Variants in TRMT2A observed in about 807,000 individuals in gnomAD.
The protein encoded by TRMT2A is tRNA (uracil-5-)-methyltransferase homolog A.
Under a neutral mutation model 59.3 loss-of-function variants are expected in TRMT2A, and 60 were observed. The observed-to-expected ratio is 1.01, with a 90% CI of 0.82 to 1.26. The LOEUF (loss-of-function observed/expected upper bound fraction) is 1.26, where lower values mean the gene tolerates loss of function less well. Ranked by LOEUF, TRMT2A falls within the 50% of genes most tolerant of loss-of-function variation. The pLI, the probability that TRMT2A is intolerant of heterozygous loss-of-function variation, is 0.00. For synonymous variants in TRMT2A, 403 were observed against 353.7 expected, an observed-to-expected ratio of 1.14 and a Z score of -1.56; for missense variants, 863 against 845.2, an observed-to-expected ratio of 1.02 and a Z score of -0.26.
chr22:20,113,745 C>T lies in TRMT2A; in HGVS notation c.1297G>A (p.Gly433Arg). ...VIQDWAQLDAGSMVLDVCCGT... is the reference protein window; with the variant it reads ...VIQDWAQLDARSMVLDVCCGT... ...CAGCACACGTCCAGCACCATGCTCC[C>T]CGCATCCAATTGGGCCCAGTCCTGG... is the stretch of plus-strand genomic sequence containing the variant. The change falls in exon 8 of 12, where the codon GGG becomes AGG. Residue 433 changes from glycine to arginine, a missense_variant. Coordinates refer to ENST00000252136, the MANE Select transcript of TRMT2A (RefSeq NM_022727.6). 6.2e-7 allele frequency: 1 copy of T among 1,608,880 alleles called. No individual in the cohort carries two copies. The highest frequency in any genetic ancestry group is 1.1e-5 in the South Asian group (1 of 90,456).
Position 20,115,025 on chromosome 22 carries a change from C to T in TRMT2A, c.945G>A (p.Gln315=). 3 of 1,600,374 alleles carry T rather than the reference C, an allele frequency of 1.9e-6. No homozygotes were observed. The highest frequency in any genetic ancestry group is 1.1e-5 in the South Asian group (1 of 88,734). The change falls in exon 5 of 12, where the codon CAG becomes CAA. Residue 315 remains glutamine (Q), a synonymous_variant. Coordinates refer to ENST00000252136, the MANE Select transcript of TRMT2A (RefSeq NM_022727.6). The stretch of plus-strand genomic sequence containing the variant: ...GGCGGCGGCTGGTGCGCACAGTCAG[C>T]TGCTTCCAGTGGCCTGTGTACGTCT... The part of the protein sequence containing the change: ...DPETYTGHWK[Q]LTVRTSRRHQ...
At chr22:20,115,834 C>T (rs1297146396) in intron 2 of TRMT2A, 54 bp from the exon 3 acceptor site, 28 of 1,526,996 alleles carry the variant, frequency 1.8e-5, no homozygotes, top group Non-Finnish European at 2.5e-5. Flanking sequence ...CCGACCCATG[C>T]CAGGCCACTC....
rs2049888697 is a variant in TRMT2A at position 20,112,898 on chromosome 22, T to A, written c.1646+13A>T. ...CAGGCCTAGCCCCCACCCAGGCCCC[T>A]GCAGACACTCACTCCACAAAGTTGC... On this transcript the variant is annotated intron_variant, in intron 11 of 11. Coordinates refer to ENST00000252136, the MANE Select transcript of TRMT2A (RefSeq NM_022727.6). The A allele has an allele frequency of 9.3e-6, 15 of 1,613,422 alleles. No individual in the cohort carries two copies. The highest frequency in any genetic ancestry group is 1.3e-5 in the Non-Finnish European group (15 of 1,179,908).
At chr22:20,113,404 C>CCCCCCCCCCCCCCCCCTG in intron 9 of TRMT2A, 28 bp downstream of exon 9, 13 of 1,511,228 alleles carry the variant, frequency 8.6e-6, no homozygotes, top group Non-Finnish European at 1.1e-5. Context: ...CCCCCATCCC[C>CCCCCCCCCCCCCCCCCTG]ACCCCCACCC....
At chr22:20,115,500 G>A (rs1602518643) in intron 3 of TRMT2A, 53 bp from the exon 4 acceptor site, 1 of 1,582,250 alleles carries the variant, frequency 6.3e-7, no homozygotes, top group Non-Finnish European at 8.6e-7. Flanking sequence ...CTTGGGCCTG[G>A]AAACCCTGAT....
chr22:20,113,401 C>CCCCCCCCCCCCCCCCCG, intron 9 of TRMT2A, 31 bp downstream of exon 9: 1 of 893,470 alleles, frequency 1.1e-6, no homozygotes, highest in Non-Finnish European at 1.8e-6. Flanking sequence ...CTGCCCCCAT[C>CCCCCCCCCCCCCCCCCG]CCCACCCCCA....
rs761271034 is a variant in TRMT2A at position 20,112,924 on chromosome 22, C to T, written c.1633G>A (p.Gly545Ser). Residue 545 changes from glycine (G) to serine (S), a missense_variant, in exon 11 of 12, where the codon GGC (glycine) becomes AGC (serine). Gly to Ser is a moderately conservative substitution (Grantham distance 56, BLOSUM62 0). Transcript: ENST00000252136. ...YVSCNPRAAM[G>S]NFVDLCRAPS... ...GCAGACACTCACTCCACAAAGTTGC[C>T]CATGGCTGCCCGGGGGTTGCATGAG... 6.8e-6 allele frequency: 11 copies of T among 1,613,810 alleles called. No individual in the cohort carries two copies. Among genetic ancestry groups the T allele is most frequent in the Non-Finnish European group, 9.3e-6 (11 of 1,180,016 alleles).
Position 20,116,343 on chromosome 22 carries a change from C to A in TRMT2A, c.294G>T (p.Leu98=), listed in dbSNP as rs1461381562. 1 of 1,612,944 alleles carries A rather than the reference C, an allele frequency of 6.2e-7. No individual in the cohort carries two copies. The highest frequency in any genetic ancestry group is 8.5e-7 in the Non-Finnish European group (1 of 1,179,998). The change falls in exon 2 of 12, where the codon CTG becomes CTT. Residue 98 remains leucine, a synonymous_variant. Transcript: ENST00000252136. ...DVRRFLGRFG[L]QPHKTKLFGQ... ...CAAAGAGTTTGGTTTTGTGGGGCTG[C>A]AGACCAAAGCGGCCCAGGAAGCGCC...
At position 20,116,609 on chromosome 22, in the gene TRMT2A, G is replaced by A. The variant is rs776508419; in HGVS notation, c.28C>T (p.Pro10Ser). ...TGGCCACAGCTCTCCATGGGCTTCGGGCCCTGTGTGGGGACAGATGGGGTG... is the reference window on the plus strand; with the variant it reads ...TGGCCACAGCTCTCCATGGGCTTCGAGCCCTGTGTGGGGACAGATGGGGTG... Reference protein sequence around the residue: MSENLDNEGPKPMESCGQES... With the variant: MSENLDNEGSKPMESCGQES... Residue 10 changes from proline to serine, a missense_variant, in exon 2 of 12, where the codon CCG (proline) becomes TCG (serine). Physicochemically the swap from Pro to Ser is moderately conservative, Grantham distance 74 (BLOSUM62 -1). Coordinates refer to ENST00000252136, the MANE Select transcript of TRMT2A (RefSeq NM_022727.6). 1 of 1,535,724 alleles carries A rather than the reference G, an allele frequency of 6.5e-7. No individual in the cohort carries two copies. The highest frequency in any genetic ancestry group is 8.7e-7 in the Non-Finnish European group (1 of 1,147,062).
chr22:20,113,035 C>G (rs778665015), intron 10 of TRMT2A, 28 bp from the exon 11 acceptor site: 1 of 1,613,114 alleles, frequency 6.2e-7, no homozygotes, highest in Admixed American at 1.7e-5. Context: ...AGCTGGGTCC[C>G]CACAGCCAGA....
Position 20,113,504 on chromosome 22 carries a change from C to T in TRMT2A, c.1360G>A (p.Val454Ile), listed in dbSNP as rs1194700864. The T allele has an allele frequency of 1.9e-6, 3 of 1,608,322 alleles. No homozygotes were observed. Among genetic ancestry groups the T allele is most frequent in the East Asian group, 2.2e-5 (1 of 44,576 alleles). The change falls in exon 9 of 12, where the codon GTA becomes ATA. Residue 454 changes from valine to isoleucine, a missense_variant. Transcript: ENST00000252136. Reference sequence around the variant, plus strand: ...AGCTCGACCCCAATGACCCTCTTTACCTTCTGAAACAGGAAAGCGTGGTGT... The same window carrying T: ...AGCTCGACCCCAATGACCCTCTTTATCTTCTGAAACAGGAAAGCGTGGTGT... ...GTIGLALARK[V>I]KRVIGVELCP...
intron 3 of TRMT2A, 111 bp from the exon 4 acceptor site, chr22:20,115,558 T>C (rs1290336610): frequency 1.0e-5 from 16 of 1,562,500 alleles, no homozygotes; most frequent in East Asian, 2.3e-5. Flanking sequence ...CTGACAACTA[T>C]GTGATGTTAC....
At chr22:20,113,622 A>G in intron 8 of TRMT2A, 64 bp downstream of exon 8, 1 of 1,597,610 alleles carries the variant, frequency 6.3e-7, no homozygotes, top group Non-Finnish European at 8.5e-7. Flanking sequence ...GGTGACTTTG[A>G]GCTGGGGTCA....
intron 11 of TRMT2A, 35 bp from the exon 12 acceptor site, chr22:20,112,829 G>C (rs769666529): frequency 6.2e-7 from 1 of 1,612,592 alleles, no homozygotes; most frequent in South Asian, 1.1e-5. Flanking sequence ...AAGGTCAGCC[G>C]ATAGGCTAAT....
rs1313153034 is a variant in TRMT2A at position 20,116,538 on chromosome 22, A to AG, written c.98dup (p.Ala34CysfsTer33). Reference sequence around the variant, plus strand: ...CCTCCTCCAGGGCTGCCGGGGCTGCAGGGGGCACCGAGACGGTAGGGCAGC... The same window carrying AG: ...CCTCCTCCAGGGCTGCCGGGGCTGCAGGGGGGCACCGAGACGGTAGGGCAGC... On this transcript the variant is annotated frameshift_variant, in exon 2 of 12. Transcript: ENST00000252136. LOFTEE classifies it high-confidence loss of function. 35 of 1,601,602 alleles carry AG rather than the reference A, an allele frequency of 2.2e-5. No homozygotes were observed. Among genetic ancestry groups the AG allele is most frequent in the Non-Finnish European group, 2.6e-5 (30 of 1,176,122 alleles).
At chr22:20,113,034 C>G in intron 10 of TRMT2A, 27 bp from the exon 11 acceptor site, 1 of 1,612,968 alleles carries the variant, frequency 6.2e-7, no homozygotes. Context: ...CAGCTGGGTC[C>G]CCACAGCCAG....
At chr22:20,113,399 A>AAGCCCCC in intron 9 of TRMT2A, 33 bp downstream of exon 9, 6 of 713,630 alleles carry the variant, frequency 8.4e-6, no homozygotes, top group Non-Finnish European at 1.4e-5. Flanking sequence ...GGCTGCCCCC[A>AAGCCCCC]TCCCCACCCC....
chr22:20,116,543 G>C lies in TRMT2A; in HGVS notation c.94C>G (p.Pro32Ala). 1 of 1,597,372 alleles carries C rather than the reference G, an allele frequency of 6.3e-7. No individual in the cohort carries two copies. Among genetic ancestry groups the C allele is most frequent in the East Asian group, 2.2e-5 (1 of 44,784 alleles). Residue 32 changes from proline to alanine, a missense_variant, in exon 2 of 12, where the codon CCC (proline) becomes GCC (alanine). Physicochemically the swap from Pro to Ala is conservative, Grantham distance 27. Coordinates refer to ENST00000252136, the MANE Select transcript of TRMT2A (RefSeq NM_022727.6). ...TCCAGGGCTGCCGGGGCTGCAGGGGGCACCGAGACGGTAGGGCAGCTCAGG... is the reference window on the plus strand; with the variant it reads ...TCCAGGGCTGCCGGGGCTGCAGGGGCCACCGAGACGGTAGGGCAGCTCAGG... Reference protein sequence around the residue: ...SALSCPTVSVPPAAPAALEEV... With the variant: ...SALSCPTVSVAPAAPAALEEV...
intron 7 of TRMT2A, among the ~76,000 whole-genome samples, chr22:20,114,093 GC>G (rs1359517746): frequency 6.6e-6 from 1 of 152,148 alleles, no homozygotes; most frequent in African/African-American, 2.4e-5. Context: ...TACCTTCCCT[GC>G]CCCAGCAAGG....
Sources: allele counts gnomAD v4.1 joint callset (sites outside exome capture counted in the v4.1 genomes callset), GRCh38; gene constraint gnomAD v4.1.1; transcripts MANE v1.5; gene names NCBI Gene and HGNC (gene_info 2026-07-23, HGNC 2026-07-21).